Variants in ADAM23 observed in about 807,000 individuals in gnomAD.
ADAM23 encodes the protein disintegrin and metalloproteinase domain-containing protein 23.
Under a neutral mutation model 120.1 loss-of-function variants are expected in ADAM23, and 33 were observed. The observed-to-expected ratio is 0.27, with a 90% confidence interval of 0.21 to 0.37. The LOEUF (loss-of-function observed/expected upper bound fraction) is 0.37. Among genes scored for constraint, ADAM23 ranks in the 10% least tolerant of loss-of-function variants. The pLI is 1.00. For missense variants in ADAM23, 862 were observed against 1,058.2 expected (o/e 0.81, Z 2.57); for synonymous variants, 367 against 375.2 (o/e 0.98, Z 0.25).
chr2:206,490,462 T>C (rs1171267140), intron 3 of ADAM23, among the ~76,000 whole-genome samples: 1 of 152,208 alleles, frequency 6.6e-6, no homozygotes. Flanking sequence ...TTTTGAGAAA[T>C]TGTGGTTTCT....
In ADAM23 at chr2:206,600,520, T is replaced by A. The variant is rs148619856; in HGVS notation, c.2359+4358T>A. Among the ~76,000 whole-genome samples the A allele has an allele frequency of 1.8e-3, 281 of 152,366 alleles. 1 individual carries two copies. Among genetic ancestry groups the A allele is most frequent in the African/African-American group, 6.5e-3 (270 of 41,584 alleles). ...GCATAAAAGATAAATTGTACCCAAC[T>A]GCCCTTTGGATCAAGACCAAATTAG... On this transcript the variant is annotated intron_variant, in intron 24 of 25. Transcript: ENST00000264377.
chr2:206,596,170 T>A lies in ADAM23; in HGVS notation c.2359+8T>A. The A allele has an allele frequency of 1.9e-6, 3 of 1,609,872 alleles. No homozygotes were observed. Among genetic ancestry groups the A allele is most frequent in the Non-Finnish European group, 2.5e-6 (3 of 1,176,748 alleles). The stretch of plus-strand genomic sequence containing the variant: ...AGGATGAAGGACCCAAGGGTTTGTG[T>A]GATTTTGGTTTCAATTCATGGAATA... On this transcript the variant is annotated splice_region_variant and intron_variant, in intron 24 of 25. Coordinates refer to ENST00000264377, the MANE Select transcript of ADAM23 (RefSeq NM_003812.4).
At chr2:206,582,277 C>G (rs767666514) in intron 18 of ADAM23, among the ~76,000 whole-genome samples, 14 of 152,190 alleles carry the variant, frequency 9.2e-5, no homozygotes, top group Non-Finnish European at 1.8e-4. Context: ...TTGGACAAGG[C>G]CTTTTACCAT....
At chr2:206,549,608 G>A (rs1697470809) in intron 8 of ADAM23, among the ~76,000 whole-genome samples, 1 of 151,876 alleles carries the variant, frequency 6.6e-6, no homozygotes, top group African/African-American at 2.4e-5. Flanking sequence ...ACTCGAGTGA[G>A]TTAATGTTTC....
chr2:206,454,002 A>G (rs1320938087), intron 2 of ADAM23, among the ~76,000 whole-genome samples: 1 of 152,262 alleles, frequency 6.6e-6, no homozygotes, highest in Non-Finnish European at 1.5e-5. Flanking sequence ...AATGAAAAGG[A>G]TGGAAATTCA....
intron 3 of ADAM23, among the ~76,000 whole-genome samples, chr2:206,487,300 T>C (rs1482870238): frequency 6.6e-6 from 1 of 152,182 alleles, no homozygotes; most frequent in Non-Finnish European, 1.5e-5. Context: ...TTGTCTTCCC[T>C]TTGGCTTCAG....
chr2:206,485,839 A>G (rs1475054985), intron 3 of ADAM23, among the ~76,000 whole-genome samples: 1 of 152,132 alleles, frequency 6.6e-6, no homozygotes, highest in East Asian at 1.9e-4. Flanking sequence ...CATGATTTAG[A>G]TGGTCAGAAG....
intron 9 of ADAM23, among the ~76,000 whole-genome samples, chr2:206,554,978 A>G (rs1296504396): frequency 1.3e-5 from 2 of 151,920 alleles, no homozygotes; most frequent in Admixed American, 6.6e-5. Context: ...CTCACTGGCT[A>G]TTTCTTCCTA....
intron 3 of ADAM23, among the ~76,000 whole-genome samples, chr2:206,510,820 T>C (rs1696608140): frequency 6.6e-6 from 1 of 152,226 alleles, no homozygotes; most frequent in Non-Finnish European, 1.5e-5. Context: ...AGCTCGCTTT[T>C]TCAGCCTTAG....
intron 3 of ADAM23, among the ~76,000 whole-genome samples, chr2:206,487,418 C>A (rs1237327943): frequency 6.6e-6 from 1 of 152,036 alleles, no homozygotes; most frequent in Non-Finnish European, 1.5e-5. Context: ...TTTGGTAGGC[C>A]CTGGGTTGAT....
intron 18 of ADAM23, among the ~76,000 whole-genome samples, chr2:206,576,852 T>C (rs1698125871): frequency 6.6e-6 from 1 of 152,178 alleles, no homozygotes; most frequent in African/African-American, 2.4e-5. Context: ...AATACAGATA[T>C]TTGAAAGATA....
intron 3 of ADAM23, among the ~76,000 whole-genome samples, chr2:206,499,566 C>G (rs940552814): frequency 2.6e-5 from 4 of 151,570 alleles, no homozygotes; most frequent in Non-Finnish European, 4.4e-5. Flanking sequence ...GTGCAGCAAA[C>G]CAACATGGCA....
intron 2 of ADAM23, among the ~76,000 whole-genome samples, chr2:206,453,279 A>G (rs1284014108): frequency 6.6e-6 from 1 of 152,250 alleles, no homozygotes; most frequent in Non-Finnish European, 1.5e-5. Context: ...AACCGAATCT[A>G]TCAGGAATGT....
chr2:206,607,262 G>GAA (rs1180780603), intron 24 of ADAM23: 2 of 152,164 alleles, frequency 1.3e-5, no homozygotes, highest in African/African-American at 4.8e-5. Context: ...CCATAACAGG[G>GAA]ATAAAAATAT....
chr2:206,449,344 T>C (rs1421163119), intron 2 of ADAM23, among the ~76,000 whole-genome samples: 3 of 152,250 alleles, frequency 2.0e-5, no homozygotes, highest in Non-Finnish European at 4.4e-5. Context: ...TAATGCAATA[T>C]ATTAATAAAA....
chr2:206,483,951 AATG>A (rs1695950628), intron 3 of ADAM23, among the ~76,000 whole-genome samples: 1 of 152,174 alleles, frequency 6.6e-6, no homozygotes, highest in Non-Finnish European at 1.5e-5. Context: ...AGGGCTTTTT[AATG>A]ATGACAGAGC....
In ADAM23 at chr2:206,592,695, T is replaced by A. The variant is rs1469338872; in HGVS notation, c.2037T>A (p.Ile679=). ...TTGGTCAACTTCAGGGTGAGATCAT[T>A]CCAACTTCCTTCTACCATCAAGGCC... ...PRIGQLQGEI[I]PTSFYHQGRV... Residue 679 remains isoleucine (I), a synonymous_variant, in exon 22 of 26, where the codon ATT becomes ATA. Transcript: ENST00000264377. 6.2e-7 allele frequency: 1 copy of A among 1,614,046 alleles called. No homozygotes were observed. The highest frequency in any genetic ancestry group is 1.7e-5 in the Admixed American group (1 of 60,008).
chr2:206,481,131 T>G (rs1559226895), intron 2 of ADAM23, 101 bp from the exon 3 acceptor site: 7 of 802,300 alleles, frequency 8.7e-6, no homozygotes, highest in Non-Finnish European at 1.3e-5. Context: ...GGAAATGAAC[T>G]GATACATAAA....
At chr2:206,586,228 T>C (rs1698318854) in intron 18 of ADAM23, among the ~76,000 whole-genome samples, 1 of 152,112 alleles carries the variant, frequency 6.6e-6, no homozygotes, top group Non-Finnish European at 1.5e-5. Context: ...AGAAGATCGA[T>C]GTGATTTGGT....
Sources: gnomAD v4.1 joint callset for allele counts (sites outside exome capture counted in the v4.1 genomes callset) on GRCh38, gnomAD v4.1.1 for gene constraint, MANE v1.5 for transcripts, NCBI Gene and HGNC (gene_info 2026-07-23, HGNC 2026-07-21) for gene names.